ZNF469: variants seen among roughly 807,000 people sequenced by gnomAD.
ZNF469 encodes the protein zinc finger protein 469.
ZNF469 carries 1 observed loss-of-function variant against 1.0 expected under a neutral mutation model. The observed-to-expected ratio is 1.00, with a 90% CI of 0.35 to 4.73. The LOEUF is 4.73. Among genes scored for constraint, ZNF469 ranks in the 30% most tolerant of loss-of-function variants. ZNF469 has a pLI of 0.16. For missense variants in ZNF469, 6,100 were observed against 5,356.3 expected (o/e 1.14, Z -4.33); for synonymous variants, 2,703 against 2,363.4 (o/e 1.14, Z -4.17).
chr16:88,135,527 G>A, the ZNF469 span, among the ~76,000 whole-genome samples: 3 of 152,124 alleles, frequency 2.0e-5, no homozygotes, highest in Non-Finnish European at 2.9e-5. Context: ...GAAAACTTGG[G>A]GTGTTCGTGT....
the ZNF469 span, among the ~76,000 whole-genome samples, chr16:88,331,535 A>ATCATCACCATCACCACCATCG: frequency 3.1e-3 from 471 of 150,976 alleles, 3 homozygotes; most frequent in African/African-American, 0.011. Flanking sequence ...TACCATCACT[A>ATCATCACCATCACCACCATCG]TCATCACCAT....
At chr16:88,120,422 T>C in the ZNF469 span, among the ~76,000 whole-genome samples, 2 of 152,248 alleles carry the variant, frequency 1.3e-5, no homozygotes, top group Admixed American at 6.5e-5. Flanking sequence ...CGGGACGCAT[T>C]AGCCAGAGGG....
At chr16:88,234,914 C>T in the ZNF469 span, 1 of 152,278 alleles carries the variant, frequency 6.6e-6, no homozygotes, top group Non-Finnish European at 1.5e-5. Context: ...GTAATGTTCC[C>T]CCTTGGCCCT....
At chr16:88,332,188 G>T in the ZNF469 span, among the ~76,000 whole-genome samples, 1 of 152,234 alleles carries the variant, frequency 6.6e-6, no homozygotes, top group East Asian at 1.9e-4. Flanking sequence ...AATAAACAAA[G>T]TTGCATTTTT....
At chr16:88,262,106 C>T in the ZNF469 span, among the ~76,000 whole-genome samples, 1 of 152,218 alleles carries the variant, frequency 6.6e-6, no homozygotes, top group African/African-American at 2.4e-5. The surrounding 1 kb of genome is among the most constrained non-coding windows in gnomAD (Gnocchi z 4.3). Context: ...GACGTTTCCA[C>T]CTCACTCAGC....
the ZNF469 span, among the ~76,000 whole-genome samples, chr16:88,102,834 G>A: frequency 9.9e-5 from 15 of 152,206 alleles, no homozygotes; most frequent in Admixed American, 2.0e-4. Context: ...GCCTCCATCC[G>A]CCGGGACCTG....
the ZNF469 span, among the ~76,000 whole-genome samples, chr16:88,170,455 GC>G: frequency 1.9e-4 from 29 of 152,210 alleles, no homozygotes; most frequent in Admixed American, 3.3e-4. The surrounding 1 kb of genome is among the most constrained non-coding windows in gnomAD (Gnocchi z 4.2). Context: ...CCTGTTCCCA[GC>G]CCCAGCAACC....
chr16:88,198,864 C>T, the ZNF469 span, among the ~76,000 whole-genome samples: 34 of 152,346 alleles, frequency 2.2e-4, no homozygotes, highest in East Asian at 6.4e-3. Context: ...CAGACGTGAG[C>T]CTGTGTGTGG....
At chr16:88,159,231 G>GGCAC in the ZNF469 span, among the ~76,000 whole-genome samples, 1 of 136,592 alleles carries the variant, frequency 7.3e-6, no homozygotes, top group African/African-American at 2.9e-5. Flanking sequence ...CCGTCCTGCA[G>GGCAC]CGTCTGTCTG....
the ZNF469 span, among the ~76,000 whole-genome samples, chr16:88,200,400 C>G: frequency 6.6e-6 from 1 of 152,188 alleles, no homozygotes; most frequent in Non-Finnish European, 1.5e-5. Flanking sequence ...ATGCTCACGC[C>G]CCATAGGGGA....
chr16:88,154,599 CA>C, the ZNF469 span, among the ~76,000 whole-genome samples: 12 of 152,268 alleles, frequency 7.9e-5, no homozygotes, highest in Non-Finnish European at 1.5e-4. Context: ...TCCCCATCAC[CA>C]TTTGCTGAGG....
At chr16:88,384,234 C>T (rs1297399216) in intron 1 of ZNF469, among the ~76,000 whole-genome samples, 1 of 152,178 alleles carries the variant, frequency 6.6e-6, no homozygotes, top group African/African-American at 2.4e-5. Flanking sequence ...GGGAAGTGAG[C>T]ACAGCACGCG....
At chr16:88,217,448 A>C in the ZNF469 span, among the ~76,000 whole-genome samples, 693 of 151,170 alleles carry the variant, frequency 4.6e-3, 4 homozygotes, top group African/African-American at 0.016. Context: ...CTTTTTTTTT[A>C]TTATTATTAT....
chr16:88,123,873 G>A, the ZNF469 span, among the ~76,000 whole-genome samples: 12 of 152,056 alleles, frequency 7.9e-5, no homozygotes, highest in Middle Eastern at 3.2e-3. Context: ...GAGCAGTGTC[G>A]GCTAACTGCA....
intron 1 of ZNF469, among the ~76,000 whole-genome samples, chr16:88,396,491 G>A (rs1256124167): frequency 4.6e-5 from 7 of 151,446 alleles, no homozygotes; most frequent in Non-Finnish European, 8.9e-5. Context: ...AGGCCGGGAG[G>A]AGACCCTCAT....
chr16:88,178,586 C>T, the ZNF469 span: 1 of 152,188 alleles, frequency 6.6e-6, no homozygotes, highest in East Asian at 1.9e-4. Flanking sequence ...TTTTTCTCAG[C>T]ATCTTGCCTC....
chr16:88,317,758 C>A, the ZNF469 span, among the ~76,000 whole-genome samples: 1 of 152,340 alleles, frequency 6.6e-6, no homozygotes, highest in South Asian at 2.1e-4. Context: ...TGACTTGAGT[C>A]CCCAGGAACT....
At chr16:88,267,208 A>G in the ZNF469 span, among the ~76,000 whole-genome samples, 1 of 152,068 alleles carries the variant, frequency 6.6e-6, no homozygotes, top group Non-Finnish European at 1.5e-5. Context: ...TGGCTTATTT[A>G]TACCTTGCTG....
chr16:88,227,378 C>G, the ZNF469 span, among the ~76,000 whole-genome samples: 2 of 152,256 alleles, frequency 1.3e-5, no homozygotes, highest in African/African-American at 4.8e-5. Flanking sequence ...TGCCTGGCCT[C>G]AGGCTGCCCC....
Sources: allele counts gnomAD v4.1 joint callset (sites outside exome capture counted in the v4.1 genomes callset), GRCh38; gene constraint gnomAD v4.1.1; non-coding constraint Gnocchi (gnomAD v3.1); transcripts MANE v1.5; gene names NCBI Gene and HGNC (gene_info 2026-07-23, HGNC 2026-07-21).